The following MLLT10 variants were observed in gnomAD, a reference collection of about 807,000 sequenced individuals.
MLLT10 encodes MLLT10 histone lysine methyltransferase DOT1L cofactor, also known as protein AF-10.
Under a neutral mutation model 129.1 loss-of-function variants are expected in MLLT10, and 30 were observed. That is an observed-to-expected ratio of 0.23 (90% CI 0.17 to 0.32). The LOEUF (loss-of-function observed/expected upper bound fraction) is 0.32, where lower values mean the gene tolerates loss of function less well. MLLT10 is among the 10% of genes least tolerant of loss of function. MLLT10 has a pLI of 1.00. For synonymous variants in MLLT10, 490 were observed against 446.4 expected (o/e 1.10, Z -1.23); for missense variants, 1,119 against 1,268.3 (o/e 0.88, Z 1.79).
At chr10:21,543,914 G>T (rs765429014) in intron 3 of MLLT10, among the ~76,000 whole-genome samples, 7 of 152,202 alleles carry the variant, frequency 4.6e-5, no homozygotes, top group Non-Finnish European at 8.8e-5. Context: ...AATTGAATTA[G>T]TCTTATGAAT....
intron 14 of MLLT10, among the ~76,000 whole-genome samples, chr10:21,717,482 TTCCTCCTCCTCC>T (rs766780330): frequency 0.017 from 1,982 of 115,078 alleles, 31 homozygotes; most frequent in Non-Finnish European, 0.024. Context: ...TATTCTTATA[TTCCTCCTCCTCC>T]TCCTCCTCCT....
Position 21,733,033 on chromosome 10 carries a change from A to G in MLLT10, c.2353A>G (p.Ile785Val), listed in dbSNP as rs144072700. Residue 785 changes from isoleucine to valine, a missense_variant, in exon 18 of 23, where the codon ATA becomes GTA. Around this residue, in one of 5 missense-constraint regions of MLLT10, gnomAD observed 1,004 missense variants for 1,008.7 expected, o/e 1.00. Transcript: ENST00000307729. ...NAQLSVPFPT[I>V]TANPSPSHQI... ...ACAGCTTTCAGTGCCTTTTCCAACA[A>G]TAACAGCAAATCCTAGTCCGTCTCA... The G allele has an allele frequency of 7.2e-5, 116 of 1,613,862 alleles. No homozygotes were observed. Among genetic ancestry groups the G allele is most frequent in the Non-Finnish European group, 9.1e-5 (107 of 1,179,882 alleles).
chr10:21,647,030 T>C (rs1271999917), intron 8 of MLLT10, among the ~76,000 whole-genome samples: 1 of 152,106 alleles, frequency 6.6e-6, no homozygotes, highest in Non-Finnish European at 1.5e-5. Flanking sequence ...TAATCTTTTG[T>C]ATTTTTAGTA....
intron 9 of MLLT10, chr10:21,661,809 G>A (rs537584282): frequency 7.9e-5 from 12 of 152,230 alleles, no homozygotes; most frequent in Admixed American, 7.2e-4. Context: ...TGTAGTTGCT[G>A]CTTGGTTTTG....
intron 22 of MLLT10, among the ~76,000 whole-genome samples, chr10:21,740,871 T>C (rs1347102593): frequency 6.6e-6 from 1 of 152,180 alleles, no homozygotes; most frequent in Non-Finnish European, 1.5e-5. Context: ...AGGTCTACTT[T>C]ACTGGAGTAT....
In MLLT10 at chr10:21,727,861, G is replaced by A; in HGVS notation, c.1996G>A (p.Asp666Asn). Residue 666 changes from aspartate (D) to asparagine (N), a missense_variant, in exon 16 of 23, where the codon GAT becomes AAT. By Grantham distance (23) the Asp-to-Asn change is conservative. Coordinates refer to ENST00000307729, the MANE Select transcript of MLLT10 (RefSeq NM_001195626.3). ...AQSENNQTDQ[D>N]LGDNSRNLVG... ...CTGAAATATTTACACTACAGATCAA[G>A]ATCTTGGAGACAATAGCCGCAACCT... 4 of 1,613,730 alleles carry A rather than the reference G, an allele frequency of 2.5e-6. No individual in the cohort carries two copies. Among genetic ancestry groups the A allele is most frequent in the Non-Finnish European group, 3.4e-6 (4 of 1,179,760 alleles).
At chr10:21,665,311 G>C (rs914682110) in intron 9 of MLLT10, among the ~76,000 whole-genome samples, 1 of 130,302 alleles carries the variant, frequency 7.7e-6, no homozygotes, top group African/African-American at 2.9e-5. Context: ...TGGGGGGGGG[G>C]GGGTTTCACT....
intron 8 of MLLT10, among the ~76,000 whole-genome samples, chr10:21,637,372 C>T (rs1398321323): frequency 6.6e-6 from 1 of 152,168 alleles, no homozygotes; most frequent in Non-Finnish European, 1.5e-5. Flanking sequence ...TTAAAGAGTT[C>T]AGTAAGGTGT....
chr10:21,618,334 A>G lies in MLLT10; in HGVS notation c.699+1127A>G, dbSNP rs150174394. On this transcript the variant is annotated intron_variant, in intron 8 of 22. Coordinates refer to ENST00000307729, the MANE Select transcript of MLLT10 (RefSeq NM_001195626.3). ...AACATGGTGAAACTGTGTCTCTACT[A>G]AAAATACGAAAAAAAAAAATTATTC... Among the ~76,000 whole-genome samples, 91 of 151,778 alleles carry G rather than the reference A, an allele frequency of 6.0e-4. 1 individual carries two copies. Among genetic ancestry groups the G allele is most frequent in the African/African-American group, 2.1e-3 (88 of 41,410 alleles).
At chr10:21,696,653 T>A (rs2054391439) in intron 13 of MLLT10, among the ~76,000 whole-genome samples, 1 of 152,224 alleles carries the variant, frequency 6.6e-6, no homozygotes, top group Non-Finnish European at 1.5e-5. Context: ...ATGCTTAGCA[T>A]GTGTGTCCAA....
chr10:21,590,738 C>G (rs938499733), intron 4 of MLLT10, among the ~76,000 whole-genome samples: 34 of 152,174 alleles, frequency 2.2e-4, no homozygotes, highest in African/African-American at 7.9e-4. Flanking sequence ...CTGGTTTTTT[C>G]TTTGTTTTTA....
chr10:21,588,501 G>A (rs2131102374), intron 4 of MLLT10, among the ~76,000 whole-genome samples: 1 of 151,904 alleles, frequency 6.6e-6, no homozygotes, highest in South Asian at 2.1e-4. Flanking sequence ...ATGTCATTTT[G>A]CTTGTATACA....
At chr10:21,636,579 CT>C (rs895419724) in intron 8 of MLLT10, among the ~76,000 whole-genome samples, 107 of 142,704 alleles carry the variant, frequency 7.5e-4, no homozygotes, top group Middle Eastern at 3.7e-3. Context: ...CTTTTCTTTT[CT>C]TTTTTTTTTT....
intron 3 of MLLT10, 56 bp from the exon 4 acceptor site, chr10:21,586,238 C>G (rs1044458741): frequency 1.5e-6 from 2 of 1,372,356 alleles, no homozygotes; most frequent in East Asian, 2.5e-5. Context: ...AGGGAAGATA[C>G]TACATTTTTG....
At chr10:21,739,920 C>G in intron 21 of MLLT10, 110 bp from the exon 22 acceptor site, 3 of 847,990 alleles carry the variant, frequency 3.5e-6, no homozygotes, top group African/African-American at 1.7e-5. Context: ...TACTTGTTTT[C>G]TTTCTTTGCA....
intron 6 of MLLT10, among the ~76,000 whole-genome samples, chr10:21,613,285 G>A (rs1248188230): frequency 6.6e-6 from 1 of 150,978 alleles, no homozygotes; most frequent in Non-Finnish European, 1.5e-5. Context: ...TACATAATAG[G>A]TAACAGTTCC....
At chr10:21,735,547 G>A (rs938453500) in intron 21 of MLLT10, among the ~76,000 whole-genome samples, 4 of 152,166 alleles carry the variant, frequency 2.6e-5, no homozygotes, top group Admixed American at 6.5e-5. Flanking sequence ...CTTTTTGGTT[G>A]TGATAAATAC....
intron 3 of MLLT10, among the ~76,000 whole-genome samples, chr10:21,561,491 C>T (rs1588945972): frequency 6.6e-6 from 1 of 152,324 alleles, no homozygotes; most frequent in East Asian, 1.9e-4. Context: ...AACCTCCTGA[C>T]CTCGTGATCC....
At chr10:21,600,067 A>G (rs552557331) in intron 5 of MLLT10, among the ~76,000 whole-genome samples, 1 of 152,222 alleles carries the variant, frequency 6.6e-6, no homozygotes, top group Non-Finnish European at 1.5e-5. Context: ...TATGTTTTCC[A>G]TAGTGATTTG....
Sources: gnomAD v4.1 joint callset for allele counts (sites outside exome capture counted in the v4.1 genomes callset) on GRCh38, gnomAD v4.1.1 for gene constraint, gnomAD v4.1.1 regional missense constraint, MANE v1.5 for transcripts, NCBI Gene and HGNC (gene_info 2026-07-23, HGNC 2026-07-21) for gene names.